RMDN2: variants seen among roughly 807,000 people sequenced by gnomAD.
RMDN2 encodes the protein regulator of microtubule dynamics protein 2.
Under a neutral mutation model 52.8 loss-of-function variants are expected in RMDN2, and 61 were observed. The ratio of observed to expected loss-of-function variants is 1.16; its 90% CI spans 0.94 to 1.43. RMDN2 has a LOEUF of 1.43. Among genes scored for constraint, RMDN2 ranks in the 40% most tolerant of loss-of-function variants. The pLI is 0.00. For synonymous variants in RMDN2, 180 were observed against 153.1 expected (o/e 1.18, Z -1.30); for missense variants, 592 against 475.3 (o/e 1.25, Z -2.28).
At chr2:38,066,711 A>G (rs1425423924) in intron 10 of RMDN2, among the ~76,000 whole-genome samples, 1 of 152,230 alleles carries the variant, frequency 6.6e-6, no homozygotes, top group Non-Finnish European at 1.5e-5. Flanking sequence ...TTGATTGGGT[A>G]GAATCCAACT....
chr2:37,967,284 C>G (rs1187374513), intron 2 of RMDN2, among the ~76,000 whole-genome samples: 2 of 152,126 alleles, frequency 1.3e-5, no homozygotes, highest in African/African-American at 2.4e-5. Context: ...TGAATGGGTG[C>G]TAAAACTGTT....
intron 10 of RMDN2, among the ~76,000 whole-genome samples, chr2:38,041,017 T>G (rs1680913620): frequency 6.6e-6 from 1 of 152,234 alleles, no homozygotes; most frequent in Non-Finnish European, 1.5e-5. Context: ...TCCAATTGTT[T>G]ATTACAAGTA....
At chr2:38,050,391 C>A (rs933305068) in intron 10 of RMDN2, among the ~76,000 whole-genome samples, 1 of 152,034 alleles carries the variant, frequency 6.6e-6, no homozygotes. Context: ...CATATATCCC[C>A]ACATACAGCC....
At chr2:37,952,103 TC>T (rs753300378) in intron 2 of RMDN2, 1 of 1,613,228 alleles carries the variant, frequency 6.2e-7, no homozygotes, top group Non-Finnish European at 8.5e-7. Context: ...TTATCCCACC[TC>T]AAAGCGAATT....
intron 2 of RMDN2, among the ~76,000 whole-genome samples, chr2:37,967,925 A>C (rs539331533): frequency 6.6e-6 from 1 of 152,260 alleles, no homozygotes; most frequent in African/African-American, 2.4e-5. Context: ...AATGGCTGGT[A>C]TGTTCACTTA....
At chr2:37,954,252 C>G (rs963883007) in intron 2 of RMDN2, among the ~76,000 whole-genome samples, 1 of 151,936 alleles carries the variant, frequency 6.6e-6, no homozygotes, top group South Asian at 2.1e-4. Flanking sequence ...CTTTTAGTGC[C>G]ACATCCAATA....
chr2:37,988,746 C>G (rs563385981), intron 5 of RMDN2, among the ~76,000 whole-genome samples: 1 of 152,252 alleles, frequency 6.6e-6, no homozygotes, highest in South Asian at 2.1e-4. Flanking sequence ...CAAAAACACT[C>G]TGAAATACTT....
At chr2:38,031,729 G>A (rs1262430639) in intron 10 of RMDN2, among the ~76,000 whole-genome samples, 2 of 152,158 alleles carry the variant, frequency 1.3e-5, no homozygotes, top group East Asian at 3.9e-4. Flanking sequence ...TGGAGGTGCA[G>A]AAGCAAAAGA....
intron 4 of RMDN2, chr2:37,976,348 G>T (rs1572896293): frequency 6.6e-6 from 1 of 152,164 alleles, no homozygotes; most frequent in East Asian, 1.9e-4. Flanking sequence ...CTGAATGTCA[G>T]CATAGTACTT....
intron 7 of RMDN2, among the ~76,000 whole-genome samples, chr2:37,996,588 CAA>C (rs1186116651): frequency 9.1e-6 from 1 of 110,064 alleles, no homozygotes; most frequent in Non-Finnish European, 2.2e-5. Flanking sequence ...GAGACATTGC[CAA>C]AAAAAAAAAA....
chr2:38,006,321 C>A (rs185393015), intron 10 of RMDN2, among the ~76,000 whole-genome samples: 18,255 of 152,174 alleles, frequency 0.12, 1,349 homozygotes, highest in Non-Finnish European at 0.16. Context: ...GATATTGATT[C>A]TTCCTACCCA....
chr2:38,017,635 G>C lies in RMDN2; in HGVS notation c.*396G>C, dbSNP rs1439936953. On this transcript the variant is annotated 3_prime_UTR_variant, in exon 11 of 11. Transcript: ENST00000354545. ...GATGAAAAATGGAAAACTCAGCAAA[G>C]GACATGAACAAGTTGTTGGCAGAAG... 1 of 1,107,522 alleles carries C rather than the reference G, an allele frequency of 9.0e-7. No homozygotes were observed. The highest frequency in any genetic ancestry group is 1.2e-6 in the Non-Finnish European group (1 of 835,712). 68.6% of individuals were successfully genotyped at this position (1,107,522 alleles called of 1,614,324 possible).
upstream of RMDN2, among the ~76,000 whole-genome samples, chr2:37,920,960 A>G (rs1340372141): frequency 6.6e-6 from 1 of 152,262 alleles, no homozygotes; most frequent in Non-Finnish European, 1.5e-5. Context: ...CAAGGTTAGT[A>G]CATGCCTTTT....
chr2:38,014,646 A>G lies in RMDN2; in HGVS notation c.1180-2540A>G, dbSNP rs141219728. Among the ~76,000 whole-genome samples the G allele has an allele frequency of 6.8e-3, 1,031 of 152,358 alleles. 9 individuals are homozygous for G. The highest frequency in any genetic ancestry group is 0.021 in the South Asian group (103 of 4,832). On this transcript the variant is annotated intron_variant, in intron 10 of 10. Transcript: ENST00000354545. ...ATTTATCCAGTCTTTAGCAGAGAGC[A>G]TTGATGTAGTTTTCTAAACCATATT...
At chr2:38,062,257 C>A (rs2567204) in intron 10 of RMDN2, among the ~76,000 whole-genome samples, 29,044 of 152,176 alleles carry the variant, frequency 0.19, 2,894 homozygotes, top group Middle Eastern at 0.23. Flanking sequence ...TCGACAACCA[C>A]TGATCTACTC....
At chr2:37,928,269 A>G (rs1355476458) in intron 1 of RMDN2, among the ~76,000 whole-genome samples, 3 of 152,242 alleles carry the variant, frequency 2.0e-5, no homozygotes, top group Non-Finnish European at 4.4e-5. Context: ...TCAGAAATAG[A>G]TTATGGCTGC....
At chr2:38,006,923 G>T (rs1210067626) in intron 10 of RMDN2, among the ~76,000 whole-genome samples, 1 of 152,132 alleles carries the variant, frequency 6.6e-6, no homozygotes, top group East Asian at 1.9e-4. Flanking sequence ...AAGTGTTGTT[G>T]AATTTTGTCA....
chr2:38,027,613 T>A (rs1679876031), intron 10 of RMDN2, among the ~76,000 whole-genome samples: 1 of 152,230 alleles, frequency 6.6e-6, no homozygotes, highest in African/African-American at 2.4e-5. Context: ...ACTTATTAAA[T>A]TAGACATTGG....
chr2:38,020,739 G>T (rs2125256494), downstream of RMDN2, among the ~76,000 whole-genome samples: 1 of 152,346 alleles, frequency 6.6e-6, no homozygotes, highest in East Asian at 1.9e-4. Context: ...GGCCTTAGCT[G>T]CCTCCCGGCA....
Sources: allele counts gnomAD v4.1 joint callset (sites outside exome capture counted in the v4.1 genomes callset), GRCh38; gene constraint gnomAD v4.1.1; transcripts MANE v1.5; gene names NCBI Gene and HGNC (gene_info 2026-07-23, HGNC 2026-07-21).